LIMK2: variants seen among roughly 807,000 people sequenced by gnomAD.
LIMK2 encodes the protein LIM domain kinase 2.
LIMK2 carries 35 observed loss-of-function variants against 75.7 expected under a neutral mutation model. That is an observed-to-expected ratio of 0.46 (90% CI 0.35 to 0.61). The LOEUF is 0.61. LIMK2 is among the 20% of genes least tolerant of loss of function. The pLI, the probability that LIMK2 is intolerant of heterozygous loss-of-function variation, is 0.00. For synonymous variants in LIMK2, 301 were observed against 319.2 expected (o/e 0.94, Z 0.61); for missense variants, 623 against 831.0 (o/e 0.75, Z 3.08).
chr22:31,229,054 T>C (rs2048503175), intron 2 of LIMK2, among the ~76,000 whole-genome samples: 1 of 152,222 alleles, frequency 6.6e-6, no homozygotes, highest in Non-Finnish European at 1.5e-5. Flanking sequence ...ATTTCTCTTA[T>C]TACACATTCA....
intron 12 of LIMK2, 133 bp from the exon 13 acceptor site, chr22:31,272,397 C>T (rs1315319539): frequency 3.6e-6 from 3 of 836,506 alleles, no homozygotes; most frequent in South Asian, 4.0e-5. Context: ...TTTGATAGAG[C>T]TTTCTGCTCT....
At chr22:31,252,994 G>A (rs911021522) in intron 2 of LIMK2, among the ~76,000 whole-genome samples, 1 of 152,212 alleles carries the variant, frequency 6.6e-6, no homozygotes, top group South Asian at 2.1e-4. Flanking sequence ...AAAGGTCTCT[G>A]TGTGGATCTG....
intron 2 of LIMK2, among the ~76,000 whole-genome samples, chr22:31,233,706 C>T (rs917281632): frequency 1.3e-5 from 2 of 152,188 alleles, no homozygotes; most frequent in Non-Finnish European, 2.9e-5. Context: ...CACTCTTCCC[C>T]CTAAAACTGG....
intron 1 of LIMK2, 114 bp downstream of exon 1, chr22:31,212,538 G>C: frequency 9.3e-7 from 1 of 1,073,962 alleles, no homozygotes; most frequent in Non-Finnish European, 1.2e-6. Flanking sequence ...GTCCTCGTGG[G>C]TCCGAGCTCC....
Position 31,265,927 on chromosome 22 carries a change from C to T in LIMK2, c.855-19C>T, listed in dbSNP as rs755421098. Reference sequence around the variant, plus strand: ...TCTGAGGACTACACATCCCTACTCCCGTCTTTCCTCATCTTCAGGCGCAGT... The same window carrying T: ...TCTGAGGACTACACATCCCTACTCCTGTCTTTCCTCATCTTCAGGCGCAGT... On this transcript the variant is annotated intron_variant, in intron 7 of 15. Transcript: ENST00000331728. 6.2e-6 allele frequency: 10 copies of T among 1,612,092 alleles called. No individual in the cohort carries two copies. In the Admixed American group the frequency reaches 6.7e-5, roughly 11 times the overall value.
intron 2 of LIMK2, among the ~76,000 whole-genome samples, chr22:31,256,507 A>T (rs541453030): frequency 6.8e-6 from 1 of 148,122 alleles, no homozygotes; most frequent in Admixed American, 6.8e-5. Context: ...CGCCCAGCTA[A>T]TTTTTTGTAT....
chr22:31,222,917 A>C (rs780866047), intron 1 of LIMK2: 2 of 152,048 alleles, frequency 1.3e-5, no homozygotes, highest in African/African-American at 2.4e-5. Context: ...CCAGTGAGGG[A>C]GAGGGGTGCT....
At chr22:31,252,485 G>A (rs551862879) in intron 2 of LIMK2, among the ~76,000 whole-genome samples, 6 of 150,722 alleles carry the variant, frequency 4.0e-5, no homozygotes, top group Admixed American at 4.0e-4. Context: ...AGACTACAGT[G>A]AGCAATGATT....
rs776548315 is a variant in LIMK2 at position 31,262,729 on chromosome 22, C to T, written c.792C>T (p.His264=). Residue 264 remains histidine (H), a synonymous_variant, in exon 7 of 16, where the codon CAC becomes CAT. Coordinates refer to ENST00000331728, the MANE Select transcript of LIMK2 (RefSeq NM_005569.4). The surrounding 1 kb of genome is among the most constrained non-coding windows in gnomAD (Gnocchi z 5.0). Reference sequence around the variant, plus strand: ...ACATGCAGAATGCCGGACACCCCCACGCCCTCAGCACCCTGGACACCAAGG... The same window carrying T: ...ACATGCAGAATGCCGGACACCCCCATGCCCTCAGCACCCTGGACACCAAGG... The part of the protein sequence containing the change: ...APHMQNAGHP[H]ALSTLDTKEN... 6.8e-5 allele frequency: 110 copies of T among 1,614,052 alleles called. 3 individuals carry two copies. In the South Asian group the frequency reaches 9.7e-4, roughly 14 times the overall value.
chr22:31,265,824 A>G (rs1489761306), intron 7 of LIMK2, 122 bp from the exon 8 acceptor site: 8 of 744,278 alleles, frequency 1.1e-5, no homozygotes, highest in South Asian at 5.6e-5. Context: ...CTGTTCCCCA[A>G]TAATAACATC....
At chr22:31,251,470 G>A (rs1208910168) in intron 2 of LIMK2, among the ~76,000 whole-genome samples, 2 of 152,122 alleles carry the variant, frequency 1.3e-5, no homozygotes, top group African/African-American at 4.8e-5. Flanking sequence ...TGCAACTTAT[G>A]TGGCTCCTCA....
intron 2 of LIMK2, among the ~76,000 whole-genome samples, chr22:31,229,593 G>C (rs2048509072): frequency 1.3e-5 from 2 of 152,132 alleles, no homozygotes; most frequent in Admixed American, 1.3e-4. Flanking sequence ...CCCCCTTCCA[G>C]CCTTGCTCTT....
At chr22:31,235,890 A>G (rs1256610805) in intron 2 of LIMK2, among the ~76,000 whole-genome samples, 1 of 152,246 alleles carries the variant, frequency 6.6e-6, no homozygotes, top group African/African-American at 2.4e-5. Context: ...GTTGTAGTTA[A>G]GAGCACACTC....
chr22:31,232,181 C>T (rs2048534840), intron 2 of LIMK2, among the ~76,000 whole-genome samples: 1 of 149,550 alleles, frequency 6.7e-6, no homozygotes, highest in Admixed American at 6.7e-5. Flanking sequence ...TGTCCAGGGT[C>T]ACACAGATGA....
chr22:31,213,253 CT>C (rs1270154502), intron 1 of LIMK2, among the ~76,000 whole-genome samples: 1 of 152,160 alleles, frequency 6.6e-6, no homozygotes, highest in African/African-American at 2.4e-5. Flanking sequence ...CTGCAGTCAC[CT>C]CCCCGCCACC....
At chr22:31,278,267 C>A (rs549202036) in intron 15 of LIMK2, 30 bp from the exon 16 acceptor site, 1 of 1,592,302 alleles carries the variant, frequency 6.3e-7, no homozygotes, top group Non-Finnish European at 8.6e-7. Context: ...CATGTTCCAC[C>A]TGCCTCTAAT....
At chr22:31,260,292 T>G (rs1304159683) in intron 5 of LIMK2, among the ~76,000 whole-genome samples, 2 of 152,238 alleles carry the variant, frequency 1.3e-5, no homozygotes, top group Admixed American at 6.5e-5. Flanking sequence ...AAGGCAAGAA[T>G]CACTCACCTT....
At chr22:31,260,950 C>T (rs2048832080) in intron 5 of LIMK2, among the ~76,000 whole-genome samples, 1 of 152,172 alleles carries the variant, frequency 6.6e-6, no homozygotes, top group African/African-American at 2.4e-5. Flanking sequence ...ACCAAGTTAA[C>T]ATTTTAGAAG....
chr22:31,243,138 T>G (rs1415858787), intron 2 of LIMK2, among the ~76,000 whole-genome samples: 1 of 152,204 alleles, frequency 6.6e-6, no homozygotes, highest in Non-Finnish European at 1.5e-5. Context: ...GCCAGGTTGG[T>G]CACGAACACT....
Sources: gnomAD v4.1 joint callset for allele counts (sites outside exome capture counted in the v4.1 genomes callset) on GRCh38, gnomAD v4.1.1 for gene constraint, Gnocchi (gnomAD v3.1) non-coding constraint, MANE v1.5 for transcripts, NCBI Gene and HGNC (gene_info 2026-07-23, HGNC 2026-07-21) for gene names.